Variants in PRKCE observed in about 807,000 individuals in gnomAD.
PRKCE encodes protein kinase C epsilon, also known as protein kinase C epsilon type.
A neutral mutation model predicts 85.4 loss-of-function variants in PRKCE; 16 were observed. That is an observed-to-expected ratio of 0.19 (90% CI 0.13 to 0.28). The LOEUF is 0.28. PRKCE is among the 10% of genes least tolerant of loss of function. The pLI, the probability that PRKCE is intolerant of heterozygous loss-of-function variation, is 1.00. For missense variants in PRKCE, 573 were observed against 975.2 expected (o/e 0.59, Z 5.49); for synonymous variants, 388 against 371.5 (o/e 1.04, Z -0.51).
chr2:45,805,839 T>A (rs1162376110), intron 1 of PRKCE, among the ~76,000 whole-genome samples: 1 of 152,158 alleles, frequency 6.6e-6, no homozygotes, highest in Non-Finnish European at 1.5e-5. Flanking sequence ...CCTCAAGTGA[T>A]CCTCCCTCCT....
chr2:45,769,133 T>C (rs1487669180), intron 1 of PRKCE, among the ~76,000 whole-genome samples: 2 of 152,228 alleles, frequency 1.3e-5, no homozygotes, highest in Admixed American at 1.3e-4. Context: ...AGTTTATTTT[T>C]AATCATCTGG....
At chr2:45,709,383 C>G (rs542014848) in intron 1 of PRKCE, among the ~76,000 whole-genome samples, 30 of 152,374 alleles carry the variant, frequency 2.0e-4, no homozygotes, top group Middle Eastern at 3.4e-3. Context: ...GATCTTGGCT[C>G]TTGCTTCATG....
At chr2:45,662,616 G>A (rs76555499) in intron 1 of PRKCE, among the ~76,000 whole-genome samples, 1 of 151,408 alleles carries the variant, frequency 6.6e-6, no homozygotes, top group Non-Finnish European at 1.5e-5. Context: ...GTTAACCTTC[G>A]CACCTGATAA....
intron 5 of PRKCE, among the ~76,000 whole-genome samples, chr2:45,983,006 A>G (rs765355726): frequency 6.6e-5 from 10 of 152,334 alleles, no homozygotes; most frequent in South Asian, 2.1e-4. Flanking sequence ...CTTAGCAGTG[A>G]GGGAGACCAT....
intron 2 of PRKCE, among the ~76,000 whole-genome samples, chr2:45,883,053 T>G (rs1478514796): frequency 6.6e-6 from 1 of 151,010 alleles, no homozygotes; most frequent in Non-Finnish European, 1.5e-5. Context: ...AAATTTTAGT[T>G]GGGTAAAAAA....
In PRKCE at chr2:46,004,561, C is replaced by G; in HGVS notation, c.986C>G (p.Ser329Cys). Reference protein sequence around the residue: ...RRKKLIAGAESPQPASGSSPS... With the variant: ...RRKKLIAGAECPQPASGSSPS... ...CTCTAGCTCATTGCTGGTGCCGAGTCCCCGCAGCCTGCTTCTGGAAGCTCA... is the reference window on the plus strand; with the variant it reads ...CTCTAGCTCATTGCTGGTGCCGAGTGCCCGCAGCCTGCTTCTGGAAGCTCA... The change falls in exon 8 of 15, where the codon TCC becomes TGC. Residue 329 changes from serine to cysteine, a missense_variant. This residue lies in a region of PRKCE where 55 missense variants were observed against 128.1 expected (regional missense o/e 0.43). Coordinates refer to ENST00000306156, the MANE Select transcript of PRKCE (RefSeq NM_005400.3). The surrounding 1 kb of genome is among the most constrained non-coding windows in gnomAD (Gnocchi z 4.1). 1 of 1,587,848 alleles carries G rather than the reference C, an allele frequency of 6.3e-7. No homozygotes were observed. The highest frequency in any genetic ancestry group is 2.2e-5 in the East Asian group (1 of 44,612).
At chr2:45,768,543 G>T (rs1685083335) in intron 1 of PRKCE, among the ~76,000 whole-genome samples, 1 of 152,172 alleles carries the variant, frequency 6.6e-6, no homozygotes, top group Non-Finnish European at 1.5e-5. Flanking sequence ...GGGGCTCGAT[G>T]GGTAGGGGAG....
intron 1 of PRKCE, among the ~76,000 whole-genome samples, chr2:45,776,679 A>G (rs993712416): frequency 1.3e-5 from 2 of 152,040 alleles, no homozygotes; most frequent in Non-Finnish European, 2.9e-5. Context: ...TAATGATGCT[A>G]CTCTGCCCCT....
intron 2 of PRKCE, among the ~76,000 whole-genome samples, chr2:45,958,188 CGCAAAAA>C (rs1454824054): frequency 1.3e-4 from 8 of 61,262 alleles, no homozygotes; most frequent in Admixed American, 1.9e-4. Flanking sequence ...CTATTAGGCC[CGCAAAAA>C]AAAAAAAAAA....
intron 14 of PRKCE, among the ~76,000 whole-genome samples, chr2:46,182,175 AC>A (rs1464736871): frequency 1.3e-5 from 2 of 151,822 alleles, no homozygotes; most frequent in Non-Finnish European, 2.9e-5. Context: ...GCCACAGCCT[AC>A]CCAGCCCGCT....
chr2:46,062,320 G>T (rs1667221310), intron 10 of PRKCE, among the ~76,000 whole-genome samples: 1 of 152,186 alleles, frequency 6.6e-6, no homozygotes. Flanking sequence ...GGTGCATGAG[G>T]TCGTTTGTGT....
At chr2:46,167,193 G>C (rs990318875) in intron 14 of PRKCE, among the ~76,000 whole-genome samples, 1 of 152,128 alleles carries the variant, frequency 6.6e-6, no homozygotes, top group South Asian at 2.1e-4. Flanking sequence ...GGAATCAGAT[G>C]CAACCAGGTT....
intron 1 of PRKCE, among the ~76,000 whole-genome samples, chr2:45,663,239 T>G (rs1163618233): frequency 6.6e-6 from 1 of 152,222 alleles, no homozygotes; most frequent in Non-Finnish European, 1.5e-5. Context: ...TAAGAACTCA[T>G]GTTTTGTGGA....
In PRKCE at chr2:46,184,633, C is replaced by T; in HGVS notation, c.2068-102C>T. ...CTGCTGTCTGTTGGTAGCTAGAGGC[C>T]TGCTTTGGTGACAGGCTGGTCAGTG... On this transcript the variant is annotated intron_variant, in intron 14 of 14. Coordinates refer to ENST00000306156, the MANE Select transcript of PRKCE (RefSeq NM_005400.3). The surrounding 1 kb of genome is among the most constrained non-coding windows in gnomAD (Gnocchi z 5.0). 1 of 1,443,778 alleles carries T rather than the reference C, an allele frequency of 6.9e-7. No homozygotes were observed. The highest frequency in any genetic ancestry group is 9.3e-7 in the Non-Finnish European group (1 of 1,072,156). 89.4% of individuals were successfully genotyped at this position (1,443,778 alleles called of 1,614,324 possible).
In PRKCE at chr2:46,184,662, T is replaced by G; in HGVS notation, c.2068-73T>G. 6.4e-7 allele frequency: 1 copy of G among 1,559,038 alleles called. No individual in the cohort carries two copies. ...TTTGGTGACAGGCTGGTCAGTGCGG[T>G]GCCCACTCCCCATGGGGGGCCCTCA... is the stretch of plus-strand genomic sequence containing the variant. On this transcript the variant is annotated intron_variant, in intron 14 of 14. Transcript: ENST00000306156. The surrounding 1 kb of genome is among the most constrained non-coding windows in gnomAD (Gnocchi z 5.0).
intron 14 of PRKCE, among the ~76,000 whole-genome samples, chr2:46,164,575 C>A (rs1446419867): frequency 6.6e-6 from 1 of 152,230 alleles, no homozygotes; most frequent in Non-Finnish European, 1.5e-5. Flanking sequence ...CATACTGAAT[C>A]TGGGTGACCC....
intron 1 of PRKCE, among the ~76,000 whole-genome samples, chr2:45,745,179 T>A (rs1425060545): frequency 1.3e-5 from 2 of 152,104 alleles, no homozygotes; most frequent in Non-Finnish European, 2.9e-5. Flanking sequence ...GTCATGCGGG[T>A]CCTGCAAACC....
intron 2 of PRKCE, among the ~76,000 whole-genome samples, chr2:45,888,465 CTTTTTTTTTTTTT>C (rs34871432): frequency 1.3e-5 from 1 of 74,762 alleles, no homozygotes; most frequent in African/African-American, 5.2e-5. Flanking sequence ...TCCCAACAGT[CTTTTTTTTTTTTT>C]TTTTTTTTTT....
chr2:45,949,884 TTG>T (rs143241551), intron 2 of PRKCE, among the ~76,000 whole-genome samples: 14,614 of 121,638 alleles, frequency 0.12, 906 homozygotes, highest in Middle Eastern at 0.18. Context: ...TCATTCTTTG[TTG>T]TTTTTTTTTT....
Sources: allele counts gnomAD v4.1 joint callset (sites outside exome capture counted in the v4.1 genomes callset), GRCh38; gene constraint gnomAD v4.1.1; regional missense constraint gnomAD v4.1.1; non-coding constraint Gnocchi (gnomAD v3.1); transcripts MANE v1.5; gene names NCBI Gene and HGNC (gene_info 2026-07-23, HGNC 2026-07-21).